Variants in CNTRL observed in about 807,000 individuals in gnomAD.
The protein encoded by CNTRL is centriolin.
In CNTRL, 233 loss-of-function variants were observed where a neutral mutation model predicts 303.7. The observed-to-expected ratio is 0.77, with a 90% CI of 0.69 to 0.86. CNTRL has a LOEUF of 0.86. CNTRL is among the 40% of genes least tolerant of loss of function. The pLI is 0.00. For synonymous variants in CNTRL, 900 were observed against 922.2 expected, an observed-to-expected ratio of 0.98 and a Z score of 0.44; for missense variants, 2,524 against 2,650.6, an observed-to-expected ratio of 0.95 and a Z score of 1.05.
At chr9:121,143,793 A>C in intron 19 of CNTRL, 110 bp from the exon 20 acceptor site, 1 of 716,530 alleles carries the variant, frequency 1.4e-6, no homozygotes, top group Non-Finnish European at 2.3e-6. Context: ...CTGTGTATCA[A>C]GTATTGTTCT....
chr9:121,170,298 C>T (rs1248376649), intron 39 of CNTRL, among the ~76,000 whole-genome samples: 1 of 152,114 alleles, frequency 6.6e-6, no homozygotes, highest in Non-Finnish European at 1.5e-5. Flanking sequence ...TGTGCGCCAC[C>T]ACGCCCGACT....
chr9:121,158,201 G>T (rs947106856), intron 30 of CNTRL, 92 bp downstream of exon 30: 2 of 1,428,000 alleles, frequency 1.4e-6, no homozygotes, highest in Non-Finnish European at 1.9e-6. Context: ...GAATAAATGC[G>T]GCTATGTATT....
chr9:121,108,047 T>A, intron 8 of CNTRL, 52 bp downstream of exon 8: 1 of 1,285,940 alleles, frequency 7.8e-7, no homozygotes, highest in Middle Eastern at 2.1e-4. Flanking sequence ...GACAGATAAT[T>A]CTTTGCCCTT....
In CNTRL at chr9:121,146,267, T is replaced by C. The variant is rs750008938; in HGVS notation, c.3459+11T>C. On this transcript the variant is annotated intron_variant, in intron 23 of 43. Coordinates refer to ENST00000373855, the MANE Select transcript of CNTRL (RefSeq NM_007018.6). The stretch of plus-strand genomic sequence containing the variant: ...CCACCATCATCAAAAGTAGGAATTC[T>C]GTGGTGTTGGGAATGTATACTGAAT... 1 of 1,600,982 alleles carries C rather than the reference T, an allele frequency of 6.2e-7. No individual in the cohort carries two copies. Among genetic ancestry groups the C allele is most frequent in the Non-Finnish European group, 8.5e-7 (1 of 1,176,610 alleles).
At chr9:121,176,820 A>C (rs1410402302) in intron 43 of CNTRL, among the ~76,000 whole-genome samples, 1 of 152,124 alleles carries the variant, frequency 6.6e-6, no homozygotes, top group African/African-American at 2.4e-5. Flanking sequence ...ACTACACTTG[A>C]TCTTAGTCAA....
intron 2 of CNTRL, among the ~76,000 whole-genome samples, chr9:121,087,231 C>T (rs2048377344): frequency 2.0e-5 from 3 of 152,014 alleles, no homozygotes; most frequent in South Asian, 2.1e-4. Context: ...CTTATTCCAG[C>T]GAGCAGTGTT....
intron 14 of CNTRL, among the ~76,000 whole-genome samples, chr9:121,131,767 G>A (rs1004675191): frequency 2.0e-5 from 3 of 152,160 alleles, no homozygotes; most frequent in Admixed American, 6.5e-5. Flanking sequence ...GCAGTGGCTG[G>A]TACGGGTTGT....
At position 121,150,189 on chromosome 9, in the gene CNTRL, T is replaced by C. The variant is rs1934830507; in HGVS notation, c.3669T>C (p.Asp1223=). The change falls in exon 25 of 44, where the codon GAT becomes GAC. Residue 1223 remains aspartate (D), a synonymous_variant. Coordinates refer to ENST00000373855, the MANE Select transcript of CNTRL (RefSeq NM_007018.6). ...TTGAAGATGCAGACAGTGGAGGAGATAGTCAGGAAGAGAGTGAGCTGGATG... is the reference window on the plus strand; with the variant it reads ...TTGAAGATGCAGACAGTGGAGGAGACAGTCAGGAAGAGAGTGAGCTGGATG... The part of the protein sequence containing the change: ...FPSRDADSGG[D]SQEESELDDQ... 3.1e-6 allele frequency: 5 copies of C among 1,611,666 alleles called. No homozygotes were observed.
At chr9:121,168,359 T>TG in intron 38 of CNTRL, 38 bp downstream of exon 38, 1 of 1,571,282 alleles carries the variant, frequency 6.4e-7, no homozygotes. Flanking sequence ...AGATGGGGTA[T>TG]GGATTGGCTC....
intron 2 of CNTRL, among the ~76,000 whole-genome samples, chr9:121,083,883 G>A (rs1045762083): frequency 9.2e-5 from 14 of 152,156 alleles, no homozygotes; most frequent in African/African-American, 2.9e-4. Context: ...CGGGACCACT[G>A]TCATGTATGT....
chr9:121,083,196 T>C (rs2048213193), intron 2 of CNTRL, among the ~76,000 whole-genome samples: 1 of 152,088 alleles, frequency 6.6e-6, no homozygotes, highest in African/African-American at 2.4e-5. Context: ...AAACATTTTT[T>C]CTCTCTTCAA....
intron 34 of CNTRL, 64 bp from the exon 35 acceptor site, chr9:121,164,879 T>C: frequency 3.1e-6 from 4 of 1,283,428 alleles, no homozygotes; most frequent in South Asian, 2.7e-5. Context: ...AGGATAACAC[T>C]GTTCCTCAGT....
intron 7 of CNTRL, among the ~76,000 whole-genome samples, chr9:121,100,233 A>G (rs886902380): frequency 6.6e-6 from 1 of 152,274 alleles, no homozygotes; most frequent in Admixed American, 6.5e-5. Flanking sequence ...TGCAAGCCAG[A>G]AGAGAGTAGG....
chr9:121,154,920 C>G lies in CNTRL; in HGVS notation c.4365+7C>G. On this transcript the variant is annotated splice_region_variant and intron_variant, in intron 27 of 43. Coordinates refer to ENST00000373855, the MANE Select transcript of CNTRL (RefSeq NM_007018.6). Reference sequence around the variant, plus strand: ...TTCATGCACTAAAGAAAAGGTTTGTCTTCTTGTGGTTTGGGGTGTGAGCTC... The same window carrying G: ...TTCATGCACTAAAGAAAAGGTTTGTGTTCTTGTGGTTTGGGGTGTGAGCTC... 2.5e-6 allele frequency: 4 copies of G among 1,613,656 alleles called. No individual in the cohort carries two copies. Among genetic ancestry groups the G allele is most frequent in the Non-Finnish European group, 2.5e-6 (3 of 1,179,670 alleles).
rs1403661232 is a variant in CNTRL at position 121,096,551 on chromosome 9, C to G, written c.609C>G (p.Asn203Lys). The change falls in exon 6 of 44, where the codon AAC becomes AAG. Residue 203 changes from asparagine (N) to lysine (K), a missense_variant. Transcript: ENST00000373855. Reference protein sequence around the residue: ...KSLRVLNLKGNKISSLQDISK... With the variant: ...KSLRVLNLKGKKISSLQDISK... The stretch of plus-strand genomic sequence containing the variant: ...TGCGAGTCCTCAATTTGAAAGGCAA[C>G]AAGATATCATCGGTAAGTTATTCAA... 1 of 1,471,564 alleles carries G rather than the reference C, an allele frequency of 6.8e-7. No individual in the cohort carries two copies. Among genetic ancestry groups the G allele is most frequent in the East Asian group, 2.4e-5 (1 of 41,432 alleles). The allele number at this position is 1,471,564 out of a possible 1,614,324, so 91.2% of individuals were successfully genotyped here. A position where few individuals can be genotyped will look rare whatever the true frequency, so the allele number is the denominator to read the frequency against.
intron 26 of CNTRL, 62 bp from the exon 27 acceptor site, chr9:121,154,659 C>A (rs2052464614): frequency 1.0e-6 from 1 of 966,074 alleles, no homozygotes; most frequent in Non-Finnish European, 1.6e-6. Context: ...AGTAGTTAGG[C>A]TACAAGTATC....
chr9:121,131,686 T>G (rs945104151), intron 14 of CNTRL, among the ~76,000 whole-genome samples: 1 of 152,216 alleles, frequency 6.6e-6, no homozygotes, highest in African/African-American at 2.4e-5. Flanking sequence ...TGATGCTAGC[T>G]GGTTATTTTG....
At chr9:121,113,780 T>C in intron 10 of CNTRL, 56 bp downstream of exon 10, 1 of 1,196,744 alleles carries the variant, frequency 8.4e-7, no homozygotes, top group Non-Finnish European at 1.1e-6. Context: ...ATTGAATATG[T>C]AGGCCAATTT....
chr9:121,150,491 G>A lies in CNTRL; in HGVS notation c.3963+8G>A. 1.2e-6 allele frequency: 2 copies of A among 1,612,936 alleles called. No individual in the cohort carries two copies. The highest frequency in any genetic ancestry group is 1.7e-6 in the Non-Finnish European group (2 of 1,179,032). The stretch of plus-strand genomic sequence containing the variant: ...CCTGAACACCATAACTTAGTAAGTG[G>A]AAAGACATACAACTCTCTTTCCACA... On this transcript the variant is annotated splice_region_variant and intron_variant, in intron 25 of 43. Coordinates refer to ENST00000373855, the MANE Select transcript of CNTRL (RefSeq NM_007018.6).
Sources: allele counts gnomAD v4.1 joint callset (sites outside exome capture counted in the v4.1 genomes callset), GRCh38; gene constraint gnomAD v4.1.1; transcripts MANE v1.5; gene names NCBI Gene and HGNC (gene_info 2026-07-23, HGNC 2026-07-21).